Variants in RBPJ observed in about 807,000 individuals in gnomAD.
RBPJ encodes the protein recombination signal binding protein for immunoglobulin kappa J region.
RBPJ carries 9 observed loss-of-function variants against 67.8 expected under a neutral mutation model. The ratio of observed to expected loss-of-function variants is 0.13; its 90% CI spans 0.08 to 0.23. RBPJ has a LOEUF of 0.23. Ranked by LOEUF, RBPJ falls within the 10% of genes least tolerant of loss-of-function variation. RBPJ has a pLI of 1.00. For missense variants in RBPJ, 305 were observed against 595.6 expected (o/e 0.51, Z 5.08); for synonymous variants, 198 against 203.3 (o/e 0.97, Z 0.22).
chr4:26,297,373 A>AGC (rs1232712595), intron 1 of RBPJ, among the ~76,000 whole-genome samples: 3 of 150,862 alleles, frequency 2.0e-5, no homozygotes, highest in Non-Finnish European at 4.4e-5. Flanking sequence ...AAAGAGAGAG[A>AGC]GAGAGAGAGA....
chr4:26,419,914 G>T (rs531948188), intron 4 of RBPJ, among the ~76,000 whole-genome samples: 3 of 152,024 alleles, frequency 2.0e-5, no homozygotes, highest in East Asian at 1.9e-4. Flanking sequence ...AGTTCTTCTG[G>T]TGATACATAT....
At chr4:26,147,116 G>A in the RBPJ span, among the ~76,000 whole-genome samples, 4 of 152,342 alleles carry the variant, frequency 2.6e-5, no homozygotes, top group South Asian at 8.3e-4. Context: ...AATCAGACAC[G>A]TGTGTGAGTT....
chr4:26,204,195 G>A (rs1187154260), intron 1 of RBPJ, among the ~76,000 whole-genome samples: 8 of 152,138 alleles, frequency 5.3e-5, no homozygotes, highest in Non-Finnish European at 7.4e-5. Flanking sequence ...TGATCCTTCC[G>A]CCTTGGCCTC....
chr4:26,368,566 T>C (rs950196876), intron 1 of RBPJ, among the ~76,000 whole-genome samples: 5 of 152,184 alleles, frequency 3.3e-5, no homozygotes, highest in African/African-American at 4.8e-5. Flanking sequence ...CGTGTATTCT[T>C]TTTCTTTGGT....
intron 1 of RBPJ, among the ~76,000 whole-genome samples, chr4:26,262,603 G>C (rs78060519): frequency 0.041 from 6,272 of 152,072 alleles, 369 homozygotes; most frequent in African/African-American, 0.13. Flanking sequence ...GGGATTCCTG[G>C]AGAGTCCATC....
At chr4:26,114,478 CATATATAT>C in the RBPJ span, among the ~76,000 whole-genome samples, 41,873 of 123,128 alleles carry the variant, frequency 0.34, 7,779 homozygotes, top group African/African-American at 0.4. Context: ...AAAGAATGTA[CATATATAT>C]ATATATATAT....
In RBPJ at chr4:26,346,449, TA is replaced by T. The variant is rs1726156987; in HGVS notation, c.20+25402del. On this transcript the variant is annotated intron_variant, in intron 1 of 10. Coordinates refer to ENST00000355476, the MANE Select transcript of RBPJ (RefSeq NM_015874.6). ...ACTTTCCCCTTGGCAGGTGCCATCT[TA>T]TCTACTCCTTACTGTACACATGGCT... Among the ~76,000 whole-genome samples, 7 of 152,310 alleles carry T rather than the reference TA, an allele frequency of 4.6e-5. No individual in the cohort carries two copies. In the South Asian group the frequency reaches 1.5e-3, roughly 32 times the overall value.
chr4:26,184,391 T>C (rs552030287), intron 1 of RBPJ, among the ~76,000 whole-genome samples: 2 of 151,916 alleles, frequency 1.3e-5, no homozygotes, highest in Non-Finnish European at 2.9e-5. Context: ...GTGGGGGCAG[T>C]GGATGAAAAA....
chr4:26,157,128 C>T, the RBPJ span, among the ~76,000 whole-genome samples: 1 of 149,892 alleles, frequency 6.7e-6, no homozygotes, highest in African/African-American at 2.4e-5. Context: ...AAAAAACCCC[C>T]AAAACTAAAA....
At chr4:26,409,182 A>G (rs1005428545) in intron 3 of RBPJ, among the ~76,000 whole-genome samples, 1 of 152,222 alleles carries the variant, frequency 6.6e-6, no homozygotes, top group African/African-American at 2.4e-5. Flanking sequence ...ACCGGGATGT[A>G]TAACTGAGGC....
chr4:26,118,284 G>A, the RBPJ span, among the ~76,000 whole-genome samples: 5 of 152,302 alleles, frequency 3.3e-5, no homozygotes, highest in African/African-American at 2.4e-5. Context: ...TTAGAGACAC[G>A]GATCTGCCAG....
At chr4:26,338,085 T>A (rs1725057129) in intron 1 of RBPJ, among the ~76,000 whole-genome samples, 1 of 148,584 alleles carries the variant, frequency 6.7e-6, no homozygotes. Context: ...TGGCTTTGTG[T>A]TTTTTTGTTG....
chr4:26,315,082 T>C (rs1446481293), upstream of RBPJ, among the ~76,000 whole-genome samples: 2 of 134,632 alleles, frequency 1.5e-5, no homozygotes, highest in Non-Finnish European at 3.0e-5. Flanking sequence ...GAGGGGGAGG[T>C]TGCAGAGCAC....
intron 1 of RBPJ, among the ~76,000 whole-genome samples, chr4:26,203,020 AAAGAG>A (rs1560208827): frequency 1.6e-5 from 2 of 125,748 alleles, no homozygotes; most frequent in Non-Finnish European, 3.8e-5. Flanking sequence ...AAAGAAAAGA[AAAGAG>A]AAGAAAGAAA....
intron 1 of RBPJ, among the ~76,000 whole-genome samples, chr4:26,282,740 G>A (rs1560242999): frequency 6.6e-6 from 1 of 151,782 alleles, no homozygotes; most frequent in Non-Finnish European, 1.5e-5. Flanking sequence ...AGGCTTGTCT[G>A]TTACTCCTGA....
In RBPJ at chr4:26,343,739, C is replaced by CTTTTTTTTTTTTTTTT. The variant is rs71186404; in HGVS notation, c.20+22704_20+22719dup. Among the ~76,000 whole-genome samples the CTTTTTTTTTTTTTTTT allele has an allele frequency of 9.7e-4, 54 of 55,836 alleles. 2 individuals are homozygous for CTTTTTTTTTTTTTTTT. The highest frequency in any genetic ancestry group is 2.3e-3 in the African/African-American group (28 of 11,996). The allele number at this position is 55,836 out of a possible 152,430, so 36.6% of individuals were successfully genotyped here. ...ATTTTTTTGTACTTCTTTCTTTCTT[C>CTTTTTTTTTTTTTTTT]TTTTTTTTTTTTTTTTTTTTTTTTT... On this transcript the variant is annotated intron_variant, in intron 1 of 10. Coordinates refer to ENST00000355476, the MANE Select transcript of RBPJ (RefSeq NM_015874.6).
In RBPJ at chr4:26,285,382, G is replaced by A. The variant is rs534338409; in HGVS notation, c.-166-77064G>A. 4.7e-5 allele frequency among the ~76,000 whole-genome samples: 7 copies of A among 149,868 alleles called. No homozygotes were observed. In the South Asian group the frequency reaches 1.1e-3, roughly 23 times the overall value. On this transcript the variant is annotated intron_variant, in intron 1 of 4. Transcript: ENST00000512351. ...TAACAAGTTACCCCAAAACACAGCC[G>A]CTTCAAACAATAAACGCATATTATC...
At chr4:26,248,306 A>T (rs113675507) in intron 1 of RBPJ, among the ~76,000 whole-genome samples, 3 of 152,256 alleles carry the variant, frequency 2.0e-5, no homozygotes, top group African/African-American at 7.2e-5. Context: ...TCAATCAATC[A>T]ATCAATAAAA....
At chr4:26,415,904 T>C (rs929501781) in intron 4 of RBPJ, among the ~76,000 whole-genome samples, 1 of 152,204 alleles carries the variant, frequency 6.6e-6, no homozygotes, top group African/African-American at 2.4e-5. Flanking sequence ...CAGATTTCTA[T>C]TGGAAGCCAG....
Sources: gnomAD v4.1 joint callset for allele counts (sites outside exome capture counted in the v4.1 genomes callset) on GRCh38, gnomAD v4.1.1 for gene constraint, MANE v1.5 for transcripts, NCBI Gene and HGNC (gene_info 2026-07-23, HGNC 2026-07-21) for gene names.